CYP27C1: variants seen among roughly 807,000 people sequenced by gnomAD.
CYP27C1 encodes cytochrome P450 family 27 subfamily C member 1.
In CYP27C1, 29 loss-of-function variants were observed where a neutral mutation model predicts 40.6. The ratio of observed to expected loss-of-function variants is 0.71; its 90% CI spans 0.53 to 0.97. CYP27C1 has a LOEUF of 0.97. CYP27C1 is among the 50% of genes least tolerant of loss of function. CYP27C1 has a pLI of 0.00. For missense variants in CYP27C1, 390 were observed against 485.8 expected (o/e 0.80, Z 1.85); for synonymous variants, 198 against 186.8 (o/e 1.06, Z -0.49).
chr2:127,193,466 G>T (rs1014703939), intron 7 of CYP27C1, among the ~76,000 whole-genome samples, 169 bp from the exon 8 acceptor site: 2 of 152,048 alleles, frequency 1.3e-5, no homozygotes, highest in African/African-American at 4.8e-5. Flanking sequence ...ACTCCACACT[G>T]CACCCCAAAT....
rs753690091 is a variant in CYP27C1, at chr2:127,211,408, A to C, written c.283-5318T>G. Among the ~76,000 whole-genome samples, 510 of 110,152 alleles carry C rather than the reference A, an allele frequency of 4.6e-3. 5 individuals carry two copies. The highest frequency in any genetic ancestry group is 0.018 in the African/African-American group (472 of 26,206). The allele number at this position is 110,152 out of a possible 152,430, so 72.3% of individuals were successfully genotyped here. On this transcript the variant is annotated intron_variant, in intron 1 of 8. Coordinates refer to ENST00000664447, the MANE Select transcript of CYP27C1 (RefSeq NM_001367502.1). ...TTTTTTTTTTTTTTTTTTGAGATGG[A>C]GTCTCGCTCTTTCACCCAGGCTGGA...
chr2:127,194,960 G>C (rs1682870005), intron 6 of CYP27C1, among the ~76,000 whole-genome samples: 1 of 151,538 alleles, frequency 6.6e-6, no homozygotes. Flanking sequence ...CTCCCAAGTA[G>C]CTGGGACTAC....
At chr2:127,214,134 C>T (rs1259391770) in intron 1 of CYP27C1, among the ~76,000 whole-genome samples, 1 of 152,180 alleles carries the variant, frequency 6.6e-6, no homozygotes, top group Non-Finnish European at 1.5e-5. Context: ...TACCATCTCA[C>T]ACCAGTCAGA....
chr2:127,210,487 A>G (rs1558933518), intron 1 of CYP27C1, among the ~76,000 whole-genome samples: 1 of 152,206 alleles, frequency 6.6e-6, no homozygotes, highest in Admixed American at 6.5e-5. Context: ...CATCATGATG[A>G]CAGGATCAAA....
At chr2:127,206,264 C>T (rs931658046) in intron 1 of CYP27C1, among the ~76,000 whole-genome samples, 174 bp from the exon 2 acceptor site, 2 of 151,744 alleles carry the variant, frequency 1.3e-5, no homozygotes, top group South Asian at 2.1e-4. Flanking sequence ...CATGTTTTCA[C>T]ATAACCATCT....
At chr2:127,206,200 G>C (rs1683226216) in intron 1 of CYP27C1, among the ~76,000 whole-genome samples, 110 bp from the exon 2 acceptor site, 1 of 152,206 alleles carries the variant, frequency 6.6e-6, no homozygotes, top group Non-Finnish European at 1.5e-5. Flanking sequence ...AGAGGGAAGT[G>C]CTATCTAACA....
chr2:127,199,050 C>T (rs1682969906), intron 5 of CYP27C1, among the ~76,000 whole-genome samples: 1 of 152,148 alleles, frequency 6.6e-6, no homozygotes, highest in African/African-American at 2.4e-5. Context: ...TTTGGGAGGC[C>T]AAGGCGGGTG....
At chr2:127,193,890 G>A (rs759423095) in intron 6 of CYP27C1, 23 bp from the exon 7 acceptor site, 27 of 1,613,452 alleles carry the variant, frequency 1.7e-5, no homozygotes, top group Middle Eastern at 1.6e-4. Context: ...CAGCGGGGAC[G>A]GGAATGGCGT....
intron 2 of CYP27C1, among the ~76,000 whole-genome samples, chr2:127,204,567 A>G (rs899909442): frequency 6.6e-3 from 428 of 65,148 alleles, no homozygotes; most frequent in Non-Finnish European, 7.5e-3. Flanking sequence ...GAAAGAAAGA[A>G]AGAAAGAAAG....
chr2:127,204,440 A>AAAAAGAAAGAAAG (rs1268658274), intron 2 of CYP27C1, among the ~76,000 whole-genome samples: 13 of 41,328 alleles, frequency 3.1e-4, no homozygotes, highest in African/African-American at 9.9e-4. Context: ...GAAAGAAAGA[A>AAAAAGAAAGAAAG]AAAGAAAGAA....
intron 1 of CYP27C1, among the ~76,000 whole-genome samples, chr2:127,216,106 G>A (rs1451336607): frequency 6.6e-6 from 1 of 152,166 alleles, no homozygotes; most frequent in African/African-American, 2.4e-5. Context: ...GTAAAATGGT[G>A]CAGATACTCT....
At position 127,208,629 on chromosome 2, in the gene CYP27C1, C is replaced by T. The variant is rs1276804011; in HGVS notation, c.283-2539G>A. Reference sequence around the variant, plus strand: ...CTCCCTGGGTTGGGGAAGGGTGGCACCCATTTCTATAGCTCCAGGCTGCAC... The same window carrying T: ...CTCCCTGGGTTGGGGAAGGGTGGCATCCATTTCTATAGCTCCAGGCTGCAC... On this transcript the variant is annotated intron_variant, in intron 1 of 8. Coordinates refer to ENST00000664447, the MANE Select transcript of CYP27C1 (RefSeq NM_001367502.1). The surrounding 1 kb of genome is among the most constrained non-coding windows in gnomAD (Gnocchi z 5.2). 6.6e-6 allele frequency among the ~76,000 whole-genome samples: 1 copy of T among 152,192 alleles called. No homozygotes were observed. Among genetic ancestry groups the T allele is most frequent in the Non-Finnish European group, 1.5e-5 (1 of 68,034 alleles).
chr2:127,212,799 A>G (rs1010802122), intron 1 of CYP27C1, among the ~76,000 whole-genome samples: 1 of 152,206 alleles, frequency 6.6e-6, no homozygotes, highest in African/African-American at 2.4e-5. Flanking sequence ...TCAACATAGT[A>G]TTGGAAGTTT....
In CYP27C1 at chr2:127,201,197, G is replaced by A. The variant is rs772832907; in HGVS notation, c.808C>T (p.Pro270Ser). ...FKTSMYAGAI[P>S]RWLRPFIPKP... ...GGGATGAAGGGGCGAAGCCATCTGG[G>A]GATGGCGCCTGCATACATGGAGGTC... The change falls in exon 4 of 9, where the codon CCC (proline) becomes TCC (serine). Residue 270 changes from proline (P) to serine (S), a missense_variant. Physicochemically the swap from Pro to Ser is moderately conservative, Grantham distance 74. Transcript: ENST00000664447. The surrounding 1 kb of genome is among the most constrained non-coding windows in gnomAD (Gnocchi z 6.0). 5.6e-6 allele frequency: 9 copies of A among 1,614,174 alleles called. No individual in the cohort carries two copies. Among genetic ancestry groups the A allele is most frequent in the Non-Finnish European group, 6.8e-6 (8 of 1,180,040 alleles).
chr2:127,202,661 A>G lies in CYP27C1; in HGVS notation c.673+711T>C, dbSNP rs548260069. Reference sequence around the variant, plus strand: ...TTGAACAGGAATGTACCACTCATTCAATATGACTAAAAGCTAGAATGAGTT... The same window carrying G: ...TTGAACAGGAATGTACCACTCATTCGATATGACTAAAAGCTAGAATGAGTT... On this transcript the variant is annotated intron_variant, in intron 3 of 8. Coordinates refer to ENST00000664447, the MANE Select transcript of CYP27C1 (RefSeq NM_001367502.1). Among the ~76,000 whole-genome samples the G allele has an allele frequency of 1.9e-4, 29 of 152,346 alleles. 1 individual carries two copies. The South Asian group carries it at 5.6e-3, about 29-fold the overall frequency.
chr2:127,187,884 A>G (rs1682668139), intron 8 of CYP27C1, among the ~76,000 whole-genome samples: 3 of 152,306 alleles, frequency 2.0e-5, no homozygotes, highest in African/African-American at 4.8e-5. Context: ...GAATTTAAAT[A>G]TTCTTGGTTC....
chr2:127,194,613 G>A (rs984459506), intron 6 of CYP27C1, among the ~76,000 whole-genome samples: 2 of 152,086 alleles, frequency 1.3e-5, no homozygotes, highest in Non-Finnish European at 2.9e-5. Flanking sequence ...ACTGGGTGGC[G>A]TCTAAACCCA....
In CYP27C1 at chr2:127,195,614, T is replaced by G. The variant is rs1682885208; in HGVS notation, c.1048-113A>C. ...GAATACACACAGCACAAAGTCAAACTCATCCAATTCCATATAGCACCTAAT... is the reference window on the plus strand; with the variant it reads ...GAATACACACAGCACAAAGTCAAACGCATCCAATTCCATATAGCACCTAAT... On this transcript the variant is annotated intron_variant, in intron 5 of 8. Transcript: ENST00000664447. This position sits in a 1 kb window ranked among gnomAD's most constrained non-coding sequence, Gnocchi z 6.2. 1.9e-6 allele frequency: 2 copies of G among 1,063,244 alleles called. No homozygotes were observed. Among genetic ancestry groups the G allele is most frequent in the Non-Finnish European group, 2.7e-6 (2 of 741,138 alleles). 65.9% of individuals were successfully genotyped at this position (1,063,244 alleles called of 1,614,324 possible). A position where few individuals can be genotyped will look rare whatever the true frequency, so the allele number is the denominator to read the frequency against.
At chr2:127,193,497 G>A (rs1330873649) in intron 7 of CYP27C1, among the ~76,000 whole-genome samples, 200 bp from the exon 8 acceptor site, 1 of 152,178 alleles carries the variant, frequency 6.6e-6, no homozygotes, top group Non-Finnish European at 1.5e-5. Flanking sequence ...CCACTGAGAA[G>A]ACCGTCGAGC....
Sources: gnomAD v4.1 joint callset for allele counts (sites outside exome capture counted in the v4.1 genomes callset) on GRCh38, gnomAD v4.1.1 for gene constraint, Gnocchi (gnomAD v3.1) non-coding constraint, MANE v1.5 for transcripts, NCBI Gene and HGNC (gene_info 2026-07-23, HGNC 2026-07-21) for gene names.